Variants in MRPL1 observed in about 807,000 individuals in gnomAD.
The protein encoded by MRPL1 is mitochondrial ribosomal protein L1.
In MRPL1, 28 loss-of-function variants were observed where a neutral mutation model predicts 38.0. The ratio of observed to expected loss-of-function variants is 0.74; its 90% CI spans 0.55 to 1.01. MRPL1 has a LOEUF of 1.01. Ranked by LOEUF, MRPL1 falls within the 50% of genes least tolerant of loss-of-function variation. The probability of loss-of-function intolerance (pLI) is 0.00; values close to 1 mark genes in which losing one functional copy is unlikely to be tolerated. For synonymous variants in MRPL1, 123 were observed against 126.7 expected (o/e 0.97, Z 0.20); for missense variants, 358 against 389.8 (o/e 0.92, Z 0.69).
intron 1 of MRPL1, among the ~76,000 whole-genome samples, chr4:77,863,889 C>G (rs1735061891): frequency 6.6e-6 from 1 of 151,960 alleles, no homozygotes; most frequent in South Asian, 2.1e-4. Context: ...GAGGAAGAAA[C>G]TGAACTTATT....
At chr4:77,923,915 C>T (rs923156935) in intron 7 of MRPL1, among the ~76,000 whole-genome samples, 1 of 151,740 alleles carries the variant, frequency 6.6e-6, no homozygotes, top group African/African-American at 2.4e-5. Context: ...GCAAGAGAAT[C>T]GCTTGAACCT....
At chr4:77,941,094 CAT>C (rs530181129) in intron 7 of MRPL1, among the ~76,000 whole-genome samples, 183 of 152,184 alleles carry the variant, frequency 1.2e-3, no homozygotes, top group Non-Finnish European at 2.1e-3. Flanking sequence ...AGTGAAACCA[CAT>C]GTCTACTAAA....
intron 2 of MRPL1, among the ~76,000 whole-genome samples, chr4:77,879,007 G>A (rs1158035254): frequency 6.6e-6 from 1 of 152,184 alleles, no homozygotes; most frequent in Non-Finnish European, 1.5e-5. Context: ...AATCTGTGTG[G>A]TTTAGTTACC....
At chr4:77,928,042 A>C (rs1257342835) in intron 7 of MRPL1, among the ~76,000 whole-genome samples, 1 of 152,192 alleles carries the variant, frequency 6.6e-6, no homozygotes, top group East Asian at 1.9e-4. Flanking sequence ...TCTTCTTTTT[A>C]AAGTGTAGAC....
chr4:77,929,902 G>A (rs574335100), intron 7 of MRPL1, among the ~76,000 whole-genome samples: 2 of 152,164 alleles, frequency 1.3e-5, no homozygotes, highest in South Asian at 2.1e-4. Flanking sequence ...TATAAACCTG[G>A]GAGGTTTCAG....
At chr4:77,925,140 AAAGT>A (rs1736681891) in intron 7 of MRPL1, among the ~76,000 whole-genome samples, 1 of 152,210 alleles carries the variant, frequency 6.6e-6, no homozygotes, top group Non-Finnish European at 1.5e-5. Flanking sequence ...AAACCACTTG[AAAGT>A]AAGTAACAGG....
rs571904674 is a variant in MRPL1, at chr4:77,921,517, GCT to G, written c.777+12148_777+12149del. ...GAGACAGGAGGCAGCAAGTACAAAG[GCT>G]CTGAGAAAAAAAGGGGATTGAGCTT... On this transcript the variant is annotated intron_variant, in intron 7 of 8. Coordinates refer to ENST00000315567, the MANE Select transcript of MRPL1 (RefSeq NM_020236.4). Among the ~76,000 whole-genome samples the G allele has an allele frequency of 2.8e-3, 430 of 152,078 alleles. 3 individuals carry two copies. Among genetic ancestry groups the G allele is most frequent in the Non-Finnish European group, 5.0e-3 (342 of 67,956 alleles).
At chr4:77,930,650 G>C (rs927177380) in intron 7 of MRPL1, among the ~76,000 whole-genome samples, 2 of 152,246 alleles carry the variant, frequency 1.3e-5, no homozygotes, top group Non-Finnish European at 2.9e-5. Flanking sequence ...CCCTGTCAGT[G>C]AGTGGCAGGT....
chr4:77,902,517 A>G (rs1736059817), intron 6 of MRPL1, among the ~76,000 whole-genome samples: 1 of 152,180 alleles, frequency 6.6e-6, no homozygotes, highest in Non-Finnish European at 1.5e-5. Flanking sequence ...AAAAAATAAT[A>G]AAGAACATAG....
intron 5 of MRPL1, among the ~76,000 whole-genome samples, chr4:77,890,254 C>T (rs1009831662): frequency 1.3e-5 from 2 of 152,132 alleles, no homozygotes; most frequent in African/African-American, 4.8e-5. Flanking sequence ...AACCCAAATC[C>T]AGCAGCACAT....
intron 8 of MRPL1, 136 bp downstream of exon 8, chr4:77,950,014 T>C (rs1210091019): frequency 6.4e-6 from 3 of 471,660 alleles, no homozygotes; most frequent in Admixed American, 4.0e-5. Context: ...CAAGTTAACA[T>C]GCAAGTTTTA....
chr4:77,898,801 T>C (rs60448180), intron 6 of MRPL1, among the ~76,000 whole-genome samples: 3,047 of 149,576 alleles, frequency 0.02, 93 homozygotes, highest in African/African-American at 0.072. Context: ...GCTTGGACTA[T>C]ATACAATTTA....
chr4:77,865,673 T>G (rs1735112504), intron 1 of MRPL1, among the ~76,000 whole-genome samples: 1 of 152,168 alleles, frequency 6.6e-6, no homozygotes, highest in Admixed American at 6.5e-5. Context: ...GGCTGACTCC[T>G]CTCTGTATCT....
intron 7 of MRPL1, among the ~76,000 whole-genome samples, chr4:77,942,908 T>C (rs1737169052): frequency 6.6e-6 from 1 of 152,208 alleles, no homozygotes; most frequent in African/African-American, 2.4e-5. Context: ...TACTATTCTA[T>C]TCATTGCGTT....
At chr4:77,908,017 C>G (rs1736198983) in intron 6 of MRPL1, among the ~76,000 whole-genome samples, 3 of 151,526 alleles carry the variant, frequency 2.0e-5, no homozygotes, top group Admixed American at 2.0e-4. Context: ...CCTGTCTCAG[C>G]CTCCTGAGTA....
At chr4:77,862,993 G>C in intron 1 of MRPL1, 114 bp downstream of exon 1, 1 of 1,337,608 alleles carries the variant, frequency 7.5e-7, no homozygotes, top group Admixed American at 1.9e-5. Context: ...TGCTGTTTCT[G>C]GTCTCTAGGT....
intron 2 of MRPL1, among the ~76,000 whole-genome samples, chr4:77,877,800 C>G (rs1042216211): frequency 2.6e-5 from 4 of 151,704 alleles, no homozygotes; most frequent in Non-Finnish European, 4.4e-5. Flanking sequence ...CTGCCCTGCT[C>G]TCAGTGGGTA....
intron 1 of MRPL1, 140 bp from the exon 2 acceptor site, chr4:77,871,604 A>C: frequency 1.9e-6 from 1 of 520,364 alleles, no homozygotes; most frequent in Non-Finnish European, 3.4e-6. Context: ...GTGCCTGGCT[A>C]TTATTACACT....
chr4:77,896,590 A>G (rs1431970920), intron 6 of MRPL1, among the ~76,000 whole-genome samples: 1 of 152,230 alleles, frequency 6.6e-6, no homozygotes, highest in Non-Finnish European at 1.5e-5. Context: ...TTGTTTAAGA[A>G]CATTTGATTC....
Sources: gnomAD v4.1 joint callset for allele counts (sites outside exome capture counted in the v4.1 genomes callset) on GRCh38, gnomAD v4.1.1 for gene constraint, MANE v1.5 for transcripts, NCBI Gene and HGNC (gene_info 2026-07-23, HGNC 2026-07-21) for gene names.